Variants in EFNA5 observed in about 807,000 individuals in gnomAD.
EFNA5 encodes the protein ephrin A5, also known as ephrin-A5.
EFNA5 carries 5 observed loss-of-function variants against 22.9 expected under a neutral mutation model. The ratio of observed to expected loss-of-function variants is 0.22; its 90% CI spans 0.11 to 0.46. The LOEUF is 0.46. EFNA5 is among the 20% of genes least tolerant of loss of function. EFNA5 has a pLI of 0.99. For missense variants in EFNA5, 237 were observed against 293.3 expected, an observed-to-expected ratio of 0.81 and a Z score of 1.40; for synonymous variants, 113 against 112.2, an observed-to-expected ratio of 1.01 and a Z score of -0.04.
intron 1 of EFNA5, among the ~76,000 whole-genome samples, chr5:107,577,508 C>T (rs1748950257): frequency 6.6e-6 from 1 of 152,016 alleles, no homozygotes; most frequent in Non-Finnish European, 1.5e-5. Flanking sequence ...TTAAGGATAC[C>T]CCACTCCAGA....
chr5:107,666,745 A>G (rs1751083467), intron 1 of EFNA5, among the ~76,000 whole-genome samples: 1 of 152,128 alleles, frequency 6.6e-6, no homozygotes, highest in African/African-American at 2.4e-5. Context: ...GATATGTTTA[A>G]TTACCCTAAT....
At chr5:107,517,743 G>T (rs1340689282) in intron 1 of EFNA5, among the ~76,000 whole-genome samples, 3 of 152,136 alleles carry the variant, frequency 2.0e-5, no homozygotes, top group Non-Finnish European at 2.9e-5. Flanking sequence ...GAGAACAAAC[G>T]AAGCAGGCTA....
chr5:107,494,655 G>A (rs1418685999), intron 1 of EFNA5, among the ~76,000 whole-genome samples: 5 of 152,244 alleles, frequency 3.3e-5, no homozygotes, highest in Admixed American at 6.5e-5. Context: ...AGCCAGCTGG[G>A]CTCCTGAGTC....
intron 1 of EFNA5, among the ~76,000 whole-genome samples, chr5:107,595,076 T>C (rs1749446667): frequency 6.6e-6 from 1 of 152,108 alleles, no homozygotes; most frequent in African/African-American, 2.4e-5. Context: ...GTGGAGTCAT[T>C]GGTCCCCCCT....
intron 1 of EFNA5, among the ~76,000 whole-genome samples, chr5:107,637,344 C>T (rs1420080468): frequency 2.0e-5 from 3 of 152,270 alleles, no homozygotes; most frequent in East Asian, 3.9e-4. Flanking sequence ...CAAGAGAAGT[C>T]CTTTGACTCC....
intron 1 of EFNA5, among the ~76,000 whole-genome samples, chr5:107,600,713 C>A (rs549293474): frequency 6.6e-6 from 1 of 151,916 alleles, no homozygotes; most frequent in Non-Finnish European, 1.5e-5. Context: ...GTCTCAAACT[C>A]CTGACCTCAA....
At chr5:107,571,817 TATGGCGAGGTC>T (rs769531456) in intron 1 of EFNA5, among the ~76,000 whole-genome samples, 71 of 152,142 alleles carry the variant, frequency 4.7e-4, no homozygotes, top group Non-Finnish European at 8.8e-4. Flanking sequence ...GACACTCCTT[TATGGCGAGGTC>T]ATGTAAAACA....
intron 1 of EFNA5, among the ~76,000 whole-genome samples, chr5:107,626,457 T>TG (rs1366896516): frequency 6.6e-6 from 1 of 152,014 alleles, no homozygotes; most frequent in Non-Finnish European, 1.5e-5. Flanking sequence ...TAAAAAAAAT[T>TG]TTTTTTAGAG....
At chr5:107,568,120 C>T (rs1206687249) in intron 1 of EFNA5, among the ~76,000 whole-genome samples, 1 of 152,112 alleles carries the variant, frequency 6.6e-6, no homozygotes. Context: ...TGATCTCAAA[C>T]TCCTAGGCTC....
intron 1 of EFNA5, among the ~76,000 whole-genome samples, chr5:107,531,978 G>C (rs1178272394): frequency 6.6e-6 from 1 of 152,188 alleles, no homozygotes; most frequent in Non-Finnish European, 1.5e-5. Flanking sequence ...TAGGTCACCA[G>C]GGGTGATGCC....
chr5:107,593,177 G>A (rs949206026), intron 1 of EFNA5, among the ~76,000 whole-genome samples: 3 of 152,150 alleles, frequency 2.0e-5, no homozygotes, highest in East Asian at 3.9e-4. Context: ...CCCATGACTG[G>A]AAGAAGATAC....
At position 107,553,010 on chromosome 5, in the gene EFNA5, A is replaced by G. The variant is rs1371022244; in HGVS notation, c.125+117479T>C. Among the ~76,000 whole-genome samples the G allele has an allele frequency of 7.2e-5, 11 of 152,088 alleles. No individual in the cohort carries two copies. In the South Asian group the frequency reaches 2.3e-3, roughly 32 times the overall value. On this transcript the variant is annotated intron_variant, in intron 1 of 4. Transcript: ENST00000333274. ...AAAGGATAAATAAATGCAAGTTGCT[A>G]TTTTTTTTATTATAGCCCTCCTCTA...
intron 1 of EFNA5, among the ~76,000 whole-genome samples, chr5:107,546,864 AGGGAACACT>A: frequency 6.6e-6 from 1 of 152,292 alleles, no homozygotes; most frequent in South Asian, 2.1e-4. Flanking sequence ...CTTCAACACC[AGGGAACACT>A]GGGTAAATTG....
intron 1 of EFNA5, among the ~76,000 whole-genome samples, chr5:107,551,179 G>C (rs1177658229): frequency 1.3e-5 from 2 of 152,126 alleles, no homozygotes; most frequent in Non-Finnish European, 2.9e-5. Context: ...TAGAGATGTA[G>C]GTTAATTAAC....
At chr5:107,544,831 T>C (rs1239988037) in intron 1 of EFNA5, among the ~76,000 whole-genome samples, 2 of 152,324 alleles carry the variant, frequency 1.3e-5, no homozygotes, top group Admixed American at 1.3e-4. Context: ...ATATTTTAAT[T>C]GCTATTTAAA....
chr5:107,637,929 C>T (rs1750416955), intron 1 of EFNA5, among the ~76,000 whole-genome samples: 1 of 151,722 alleles, frequency 6.6e-6, no homozygotes, highest in African/African-American at 2.4e-5. Flanking sequence ...TAACTGCAAG[C>T]TCCGCCTCCT....
Position 107,548,255 on chromosome 5 carries a change from A to T in EFNA5, c.126-120746T>A, listed in dbSNP as rs569098134. Among the ~76,000 whole-genome samples, 37 of 152,296 alleles carry T rather than the reference A, an allele frequency of 2.4e-4. No homozygotes were observed. In the South Asian group the frequency reaches 6.2e-3, roughly 26 times the overall value. The stretch of plus-strand genomic sequence containing the variant: ...TGAGGAAAGACTACCTACACTTTTT[A>T]AAAATTTTTTTGAAGTTTAGAACCA... On this transcript the variant is annotated intron_variant, in intron 1 of 4. Coordinates refer to ENST00000333274, the MANE Select transcript of EFNA5 (RefSeq NM_001962.3).
At chr5:107,435,037 T>A (rs1749069940) in intron 1 of EFNA5, among the ~76,000 whole-genome samples, 1 of 152,222 alleles carries the variant, frequency 6.6e-6, no homozygotes, top group Non-Finnish European at 1.5e-5. Context: ...AGTGAATATA[T>A]CTTGGGAGCA....
chr5:107,591,923 TA>T (rs1749348643), intron 1 of EFNA5, among the ~76,000 whole-genome samples: 1 of 9,448 alleles, frequency 1.1e-4, no homozygotes, highest in Non-Finnish European at 1.7e-4. Context: ...AAAATATATA[TA>T]TAATATATAA....
Sources: gnomAD v4.1 joint callset for allele counts (sites outside exome capture counted in the v4.1 genomes callset) on GRCh38, gnomAD v4.1.1 for gene constraint, MANE v1.5 for transcripts, NCBI Gene and HGNC (gene_info 2026-07-23, HGNC 2026-07-21) for gene names.